The following ZFHX4 variants were observed in gnomAD, a reference collection of about 807,000 sequenced individuals.
ZFHX4 encodes the protein zinc finger homeobox 4.
Under a neutral mutation model 267.6 loss-of-function variants are expected in ZFHX4, and 56 were observed. The ratio of observed to expected loss-of-function variants is 0.21; its 90% CI spans 0.17 to 0.26. The LOEUF (loss-of-function observed/expected upper bound fraction) is 0.26, where lower values mean the gene tolerates loss of function less well. Ranked by LOEUF, ZFHX4 falls within the 10% of genes least tolerant of loss-of-function variation. ZFHX4 has a pLI of 1.00. For missense variants in ZFHX4, 4,332 were observed against 4,420.0 expected (o/e 0.98, Z 0.56); for synonymous variants, 1,778 against 1,665.6 (o/e 1.07, Z -1.64).
chr8:76,752,345 A>C (rs1283393337), intron 3 of ZFHX4, among the ~76,000 whole-genome samples: 1 of 151,734 alleles, frequency 6.6e-6, no homozygotes, highest in Non-Finnish European at 1.5e-5. Flanking sequence ...TTAAAAAAAA[A>C]ACAACACACA....
chr8:76,842,803 T>G, intron 6 of ZFHX4, 32 bp downstream of exon 6: 1 of 1,467,636 alleles, frequency 6.8e-7, no homozygotes, highest in Non-Finnish European at 9.3e-7. Context: ...CCTCGGCATT[T>G]CCCTATACCC....
intron 3 of ZFHX4, among the ~76,000 whole-genome samples, chr8:76,767,108 A>G (rs1381880756): frequency 6.6e-6 from 1 of 151,866 alleles, no homozygotes; most frequent in African/African-American, 2.4e-5. Flanking sequence ...ACAACGTGAC[A>G]CTGCGTGACA....
At chr8:76,702,963 GAC>G (rs33934020) in intron 1 of ZFHX4, among the ~76,000 whole-genome samples, 4,827 of 146,632 alleles carry the variant, frequency 0.033, 107 homozygotes, top group African/African-American at 0.058. Context: ...TCTCAGGCAA[GAC>G]ACACACACAC....
chr8:76,702,718 T>A (rs185861757), intron 1 of ZFHX4, among the ~76,000 whole-genome samples: 2 of 152,300 alleles, frequency 1.3e-5, no homozygotes, highest in East Asian at 3.9e-4. Context: ...GTTGATACTT[T>A]TAAATTAAGG....
intron 4 of ZFHX4, among the ~76,000 whole-genome samples, chr8:76,782,830 T>C (rs572956256): frequency 6.6e-5 from 10 of 152,080 alleles, no homozygotes; most frequent in Admixed American, 1.3e-4. Flanking sequence ...ATCATAATCG[T>C]TTTTCATTGC....
chr8:76,855,363 C>T lies in ZFHX4; in HGVS notation c.8442C>T (p.Thr2814=). ...TTAATACGGCAATCAGTGACGCCAC[C>T]ACCGGAGACGAGGGAAACACTGAAA... The part of the protein sequence containing the change: ...SSINTAISDA[T]TGDEGNTEME... Residue 2814 remains threonine, a synonymous_variant, in exon 10 of 11, where the codon ACC becomes ACT. Transcript: ENST00000651372. 5.0e-6 allele frequency: 8 copies of T among 1,613,706 alleles called. No homozygotes were observed. Among genetic ancestry groups the T allele is most frequent in the Non-Finnish European group, 5.9e-6 (7 of 1,179,838 alleles).
At position 76,851,107 on chromosome 8, in the gene ZFHX4, A is replaced by G. The variant is rs370620862; in HGVS notation, c.4186A>G (p.Lys1396Glu). 1.2e-6 allele frequency: 2 copies of G among 1,613,992 alleles called. No homozygotes were observed. ...PLSVSDRHVYKYRCNHCSLAF... is the reference protein window; with the variant it reads ...PLSVSDRHVYEYRCNHCSLAF... The stretch of plus-strand genomic sequence containing the variant: ...CTCTGTTTCTGACCGTCATGTCTAC[A>G]AGTATCGCTGTAACCATTGTAGCTT... Residue 1396 changes from lysine (K) to glutamate (E), a missense_variant, in exon 10 of 11, where the codon AAG (lysine) becomes GAG (glutamate). By Grantham distance (56) the Lys-to-Glu change is moderately conservative. Transcript: ENST00000651372.
chr8:76,851,989 T>C lies in ZFHX4; in HGVS notation c.5068T>C (p.Ser1690Pro), dbSNP rs1223096649. The change falls in exon 10 of 11, where the codon TCA (serine) becomes CCA (proline). Residue 1690 changes from serine to proline, a missense_variant. Ser to Pro is a moderately conservative substitution (Grantham distance 74). Coordinates refer to ENST00000651372, the MANE Select transcript of ZFHX4 (RefSeq NM_024721.5). ...SAQPAHHPPQ[S>P]PAQIQMQLQH... ...TCAACCTGCACATCACCCACCACAG[T>C]CACCAGCACAAATTCAGATGCAACT... 1.5e-5 allele frequency: 24 copies of C among 1,613,876 alleles called. No homozygotes were observed. Among genetic ancestry groups the C allele is most frequent in the Non-Finnish European group, 2.0e-5 (24 of 1,179,828 alleles).
At chr8:76,838,532 G>T (rs369358828) in intron 5 of ZFHX4, among the ~76,000 whole-genome samples, 4 of 152,166 alleles carry the variant, frequency 2.6e-5, no homozygotes, top group African/African-American at 9.6e-5. Context: ...TAGGAGGATA[G>T]ATTTGAGTGG....
At chr8:76,797,320 A>G (rs968406834) in intron 4 of ZFHX4, among the ~76,000 whole-genome samples, 7 of 152,336 alleles carry the variant, frequency 4.6e-5, no homozygotes, top group African/African-American at 1.7e-4. Context: ...GTGTTTTTAG[A>G]AAAGCGCTGA....
intron 3 of ZFHX4, among the ~76,000 whole-genome samples, chr8:76,751,500 G>A (rs1468362678): frequency 1.3e-5 from 2 of 152,154 alleles, no homozygotes; most frequent in Non-Finnish European, 2.9e-5. Flanking sequence ...ATCAGAGAGG[G>A]CAGGCCAGTT....
At chr8:76,725,008 T>C (rs1009208342) in intron 3 of ZFHX4, among the ~76,000 whole-genome samples, 10 of 152,208 alleles carry the variant, frequency 6.6e-5, no homozygotes, top group East Asian at 5.8e-4. Flanking sequence ...TACAGGTATA[T>C]GGGGGGATGT....
At chr8:76,707,494 T>C (rs1808306584) in intron 2 of ZFHX4, 52 bp from the exon 3 acceptor site, 1 of 1,410,260 alleles carries the variant, frequency 7.1e-7, no homozygotes, top group Admixed American at 2.8e-5. Flanking sequence ...TTCCTTTGTG[T>C]GTGCTGTGTT....
At chr8:76,725,832 A>G (rs915076256) in intron 3 of ZFHX4, among the ~76,000 whole-genome samples, 1 of 152,192 alleles carries the variant, frequency 6.6e-6, no homozygotes, top group Non-Finnish European at 1.5e-5. Context: ...TGCCAGTACA[A>G]TTGCAAGGAC....
chr8:76,772,222 G>C (rs955634697), intron 3 of ZFHX4, among the ~76,000 whole-genome samples: 1 of 152,152 alleles, frequency 6.6e-6, no homozygotes, highest in Non-Finnish European at 1.5e-5. Flanking sequence ...AAGCGTGGAG[G>C]ATGAGTAAAA....
intron 4 of ZFHX4, among the ~76,000 whole-genome samples, chr8:76,807,793 T>C (rs1811281029): frequency 6.6e-6 from 1 of 152,126 alleles, no homozygotes; most frequent in South Asian, 2.1e-4. Flanking sequence ...GTATCCAGAG[T>C]TCCCTTTTAG....
intron 3 of ZFHX4, among the ~76,000 whole-genome samples, chr8:76,716,520 G>A (rs1285967444): frequency 6.6e-6 from 1 of 152,046 alleles, no homozygotes; most frequent in Non-Finnish European, 1.5e-5. Context: ...TCTAACCTTG[G>A]CCTCTTTTCA....
At chr8:76,725,555 TA>T (rs1198905778) in intron 3 of ZFHX4, among the ~76,000 whole-genome samples, 2 of 152,018 alleles carry the variant, frequency 1.3e-5, no homozygotes, top group Middle Eastern at 3.4e-3. Context: ...TGATTTGGTT[TA>T]AAAAAAATCA....
At chr8:76,815,469 G>T (rs1811481159) in intron 4 of ZFHX4, among the ~76,000 whole-genome samples, 1 of 152,026 alleles carries the variant, frequency 6.6e-6, no homozygotes, top group Admixed American at 6.6e-5. Context: ...TGGTGGAAGG[G>T]ATTAGCTATC....
Sources: gnomAD v4.1 joint callset for allele counts (sites outside exome capture counted in the v4.1 genomes callset) on GRCh38, gnomAD v4.1.1 for gene constraint, MANE v1.5 for transcripts, NCBI Gene and HGNC (gene_info 2026-07-23, HGNC 2026-07-21) for gene names.